Variants in CDH12 observed in about 807,000 individuals in gnomAD.
The protein encoded by CDH12 is cadherin 12.
In CDH12, 41 loss-of-function variants were observed where a neutral mutation model predicts 74.1. The observed-to-expected ratio is 0.55, with a 90% CI of 0.43 to 0.72. CDH12 has a LOEUF of 0.72. CDH12 is among the 30% of genes least tolerant of loss of function. The pLI is 0.00. For missense variants in CDH12, 945 were observed against 977.2 expected (o/e 0.97, Z 0.44); for synonymous variants, 399 against 355.0 (o/e 1.12, Z -1.39).
At chr5:22,729,113 A>C (rs2127001223) in intron 1 of CDH12, among the ~76,000 whole-genome samples, 1 of 151,958 alleles carries the variant, frequency 6.6e-6, no homozygotes, top group South Asian at 2.1e-4. Context: ...TTAGCAGCTC[A>C]GAATAACAAT....
intron 3 of CDH12, among the ~76,000 whole-genome samples, chr5:22,302,183 G>A (rs1017236593): frequency 1.3e-5 from 2 of 152,046 alleles, no homozygotes; most frequent in African/African-American, 4.8e-5. Flanking sequence ...TGGATTCAGA[G>A]AAAGAAAAAC....
intron 1 of CDH12, among the ~76,000 whole-genome samples, chr5:22,620,788 A>T (rs961650291): frequency 1.4e-4 from 22 of 152,206 alleles, no homozygotes; most frequent in African/African-American, 4.1e-4. Flanking sequence ...AATCACACAG[A>T]TAAAATAAAC....
At chr5:22,083,916 C>A (rs1460534160) in intron 4 of CDH12, among the ~76,000 whole-genome samples, 1 of 152,166 alleles carries the variant, frequency 6.6e-6, no homozygotes, top group Non-Finnish European at 1.5e-5. Flanking sequence ...TACTGGGCAG[C>A]TTAAGCTTTC....
chr5:22,420,509 T>C (rs918954244), intron 2 of CDH12, among the ~76,000 whole-genome samples: 2 of 152,160 alleles, frequency 1.3e-5, no homozygotes, highest in Non-Finnish European at 2.9e-5. Flanking sequence ...TCCTTAGATC[T>C]CTATACTATT....
intron 5 of CDH12, among the ~76,000 whole-genome samples, chr5:22,059,042 A>C (rs1740968355): frequency 6.6e-6 from 1 of 152,064 alleles, no homozygotes; most frequent in Admixed American, 6.6e-5. Flanking sequence ...AAAAACATTC[A>C]GTTTTTTTTA....
At chr5:22,462,817 G>GCACTAA (rs1745574859) in intron 2 of CDH12, among the ~76,000 whole-genome samples, 1 of 152,034 alleles carries the variant, frequency 6.6e-6, no homozygotes, top group Non-Finnish European at 1.5e-5. Flanking sequence ...ACAACAATAA[G>GCACTAA]GTGTCCACTA....
intron 4 of CDH12, among the ~76,000 whole-genome samples, chr5:22,137,872 C>T (rs1405255993): frequency 5.3e-5 from 8 of 152,082 alleles, no homozygotes; most frequent in Middle Eastern, 3.2e-3. Context: ...CTCTGGATAA[C>T]CTCTTTTATT....
intron 2 of CDH12, among the ~76,000 whole-genome samples, chr5:22,430,008 C>A (rs1744101278): frequency 1.3e-5 from 2 of 152,126 alleles, no homozygotes; most frequent in Non-Finnish European, 2.9e-5. Flanking sequence ...CCAGGGTAAT[C>A]TATTGGTTAC....
intron 1 of CDH12, among the ~76,000 whole-genome samples, chr5:22,542,327 A>G (rs1024901558): frequency 6.6e-6 from 1 of 152,208 alleles, no homozygotes; most frequent in Non-Finnish European, 1.5e-5. Flanking sequence ...GAAATCCAAC[A>G]TATAACTTCT....
At chr5:22,262,020 T>A (rs1753532967) in intron 3 of CDH12, among the ~76,000 whole-genome samples, 1 of 152,118 alleles carries the variant, frequency 6.6e-6, no homozygotes, top group African/African-American at 2.4e-5. Context: ...CTCAGAAATG[T>A]TTCAGTCATT....
chr5:21,837,128 G>A (rs907085050), intron 8 of CDH12, among the ~76,000 whole-genome samples: 2 of 151,880 alleles, frequency 1.3e-5, no homozygotes, highest in Non-Finnish European at 2.9e-5. Flanking sequence ...ATGCTATACT[G>A]CCATAATGAG....
chr5:22,846,503 T>G (rs551764689), intron 1 of CDH12, among the ~76,000 whole-genome samples: 7 of 151,928 alleles, frequency 4.6e-5, no homozygotes, highest in Non-Finnish European at 8.8e-5. Flanking sequence ...AAAAAGAGAA[T>G]AAGAAGAAGC....
At position 22,611,555 on chromosome 5, in the gene CDH12, A is replaced by G. The variant is rs574806154; in HGVS notation, c.-522-106191T>C. 1.2e-4 allele frequency among the ~76,000 whole-genome samples: 18 copies of G among 152,230 alleles called. 1 individual carries two copies. The South Asian group carries it at 3.5e-3, about 30-fold the overall frequency. ...ACAATGCAGTACCCCTGGGCTATTG[A>G]TGTTAGAGTAGCCTTTAGCCTGTCT... On this transcript the variant is annotated intron_variant, in intron 1 of 14. Transcript: ENST00000382254.
chr5:22,220,185 A>G lies in CDH12; in HGVS notation c.-332-7542T>C, dbSNP rs111255471. 6.9e-3 allele frequency among the ~76,000 whole-genome samples: 1,042 copies of G among 151,898 alleles called. 4 individuals carry two copies. Among genetic ancestry groups the G allele is most frequent in the Admixed American group, 0.011 (162 of 15,216 alleles). The stretch of plus-strand genomic sequence containing the variant: ...TATATCTCAGGAGAGCAACATTGAC[A>G]TTTGTAATACAATGGCAAGTGTTTG... On this transcript the variant is annotated intron_variant, in intron 3 of 14. Coordinates refer to ENST00000382254, the MANE Select transcript of CDH12 (RefSeq NM_004061.5).
intron 6 of CDH12, chr5:21,882,543 C>A: frequency 1.8e-6 from 2 of 1,139,108 alleles, no homozygotes; most frequent in Non-Finnish European, 1.3e-6. Context: ...TCGCCGCCGA[C>A]AACCTGTCTC....
At chr5:22,778,322 T>C (rs2126337064) in intron 1 of CDH12, among the ~76,000 whole-genome samples, 1 of 152,240 alleles carries the variant, frequency 6.6e-6, no homozygotes, top group Non-Finnish European at 1.5e-5. Flanking sequence ...GTTCACAAAA[T>C]GGAGGCCTTT....
At chr5:21,927,151 G>A (rs1041894583) in intron 6 of CDH12, among the ~76,000 whole-genome samples, 15 of 152,138 alleles carry the variant, frequency 9.9e-5, no homozygotes, top group African/African-American at 3.6e-4. Flanking sequence ...GTTAGCCAGG[G>A]CTGGTGTATT....
At chr5:22,394,818 C>T (rs113634191) in intron 3 of CDH12, among the ~76,000 whole-genome samples, 219 of 152,186 alleles carry the variant, frequency 1.4e-3, no homozygotes, top group African/African-American at 4.8e-3. Flanking sequence ...TCCAAAGTCT[C>T]ATGCATATCT....
chr5:21,854,835 T>C, intron 6 of CDH12, 45 bp from the exon 7 acceptor site: 1 of 1,580,218 alleles, frequency 6.3e-7, no homozygotes, highest in Non-Finnish European at 8.6e-7. Context: ...GTTTTACTAC[T>C]TTCAAGGTCA....
Sources: allele counts gnomAD v4.1 joint callset (sites outside exome capture counted in the v4.1 genomes callset), GRCh38; gene constraint gnomAD v4.1.1; transcripts MANE v1.5; gene names NCBI Gene and HGNC (gene_info 2026-07-23, HGNC 2026-07-21).